SIPA1L2: variants seen among roughly 807,000 people sequenced by gnomAD.
The protein encoded by SIPA1L2 is signal induced proliferation associated 1 like 2.
In SIPA1L2, 56 loss-of-function variants were observed where a neutral mutation model predicts 163.9. The observed-to-expected ratio is 0.34, with a 90% confidence interval of 0.28 to 0.43. The LOEUF is 0.43. Among genes scored for constraint, SIPA1L2 ranks in the 20% least tolerant of loss-of-function variants. The pLI is 1.00. For missense variants in SIPA1L2, 1,974 were observed against 2,193.5 expected, an observed-to-expected ratio of 0.90 and a Z score of 2.00; for synonymous variants, 877 against 865.7, an observed-to-expected ratio of 1.01 and a Z score of -0.23.
chr1:232,414,122 G>A (rs139285000), intron 19 of SIPA1L2, among the ~76,000 whole-genome samples: 1 of 152,152 alleles, frequency 6.6e-6, no homozygotes, highest in Non-Finnish European at 1.5e-5. Context: ...AGGCAGACAG[G>A]GCTCTTCTGA....
chr1:232,559,422 A>C (rs540030417), intron 2 of SIPA1L2, among the ~76,000 whole-genome samples: 1 of 152,258 alleles, frequency 6.6e-6, no homozygotes, highest in East Asian at 1.9e-4. Context: ...CTGCACAGGC[A>C]GGAAGAATAA....
At chr1:232,545,567 C>T (rs925398751) in intron 2 of SIPA1L2, among the ~76,000 whole-genome samples, 1 of 152,184 alleles carries the variant, frequency 6.6e-6, no homozygotes, top group Non-Finnish European at 1.5e-5. Context: ...ACCTCTTGTT[C>T]TTGGGCTGTT....
At chr1:232,473,975 A>G (rs1014557919) in intron 7 of SIPA1L2, among the ~76,000 whole-genome samples, 1 of 152,242 alleles carries the variant, frequency 6.6e-6, no homozygotes, top group Non-Finnish European at 1.5e-5. Flanking sequence ...CAAACATGAA[A>G]TAAGTAATTT....
chr1:232,588,420 T>C (rs1440403843), intron 1 of SIPA1L2, among the ~76,000 whole-genome samples: 1 of 152,248 alleles, frequency 6.6e-6, no homozygotes, highest in Non-Finnish European at 1.5e-5. Flanking sequence ...TTCCCTACAC[T>C]TAAGAATTTT....
intron 1 of SIPA1L2, among the ~76,000 whole-genome samples, chr1:232,577,494 T>C (rs914573046): frequency 6.6e-6 from 1 of 152,216 alleles, no homozygotes; most frequent in Admixed American, 6.5e-5. Flanking sequence ...ATTTTCATAA[T>C]GTTATAGCTA....
At chr1:232,487,379 C>G (rs578261073) in intron 5 of SIPA1L2, among the ~76,000 whole-genome samples, 1 of 152,286 alleles carries the variant, frequency 6.6e-6, no homozygotes, top group East Asian at 1.9e-4. Context: ...AGCATGTAAT[C>G]TCATTTATTT....
At chr1:232,479,037 A>C (rs751318285) in intron 7 of SIPA1L2, among the ~76,000 whole-genome samples, 5 of 152,242 alleles carry the variant, frequency 3.3e-5, no homozygotes, top group Non-Finnish European at 7.3e-5. Flanking sequence ...TTGCAAAAAA[A>C]ACTTGCTTGA....
intron 2 of SIPA1L2, among the ~76,000 whole-genome samples, chr1:232,557,591 T>C (rs574461323): frequency 1.5e-4 from 23 of 152,214 alleles, no homozygotes; most frequent in Admixed American, 3.3e-4. Context: ...CCAAAGAATA[T>C]TTCCTCTGCA....
intron 17 of SIPA1L2, 43 bp downstream of exon 17, chr1:232,428,368 T>TA: frequency 1.5e-6 from 2 of 1,358,998 alleles, no homozygotes; most frequent in Non-Finnish European, 1.9e-6. Context: ...TTTTTTTTTT[T>TA]TTTAGTGTTT....
intron 7 of SIPA1L2, among the ~76,000 whole-genome samples, chr1:232,475,236 A>AT (rs1220008802): frequency 6.6e-6 from 1 of 152,134 alleles, no homozygotes; most frequent in Non-Finnish European, 1.5e-5. Flanking sequence ...TCCTTACCAT[A>AT]TAGACAGCGT....
At chr1:232,501,098 C>T (rs1213551059) in intron 3 of SIPA1L2, among the ~76,000 whole-genome samples, 1 of 124,198 alleles carries the variant, frequency 8.1e-6, no homozygotes, top group Non-Finnish European at 1.6e-5. Flanking sequence ...CGCTCTGTCG[C>T]CCGGGCTGGA....
chr1:232,613,023 A>T (rs1371271734), intron 1 of SIPA1L2, among the ~76,000 whole-genome samples: 2 of 152,120 alleles, frequency 1.3e-5, no homozygotes, highest in African/African-American at 4.8e-5. Context: ...GTCTCACGAG[A>T]TCTGATGGTT....
chr1:232,610,368 C>T (rs765554218), intron 1 of SIPA1L2, among the ~76,000 whole-genome samples: 1 of 152,156 alleles, frequency 6.6e-6, no homozygotes, highest in Non-Finnish European at 1.5e-5. Flanking sequence ...GAGAAACTGC[C>T]TCTGCTGATG....
chr1:232,486,431 A>T (rs970924629), intron 5 of SIPA1L2, among the ~76,000 whole-genome samples: 4 of 152,130 alleles, frequency 2.6e-5, no homozygotes, highest in African/African-American at 9.7e-5. Flanking sequence ...CAGGATTTGC[A>T]TTTCCATCTA....
intron 1 of SIPA1L2, among the ~76,000 whole-genome samples, chr1:232,626,839 G>A (rs1262551934): frequency 2.0e-5 from 3 of 152,094 alleles, no homozygotes; most frequent in Non-Finnish European, 4.4e-5. Context: ...CCAAATTTTG[G>A]TGCTGAAAGG....
chr1:232,511,064 C>A (rs1666958095), intron 3 of SIPA1L2, among the ~76,000 whole-genome samples: 1 of 152,180 alleles, frequency 6.6e-6, no homozygotes, highest in Non-Finnish European at 1.5e-5. Context: ...GCCTATCTCT[C>A]CATCTCCCTT....
At chr1:232,541,366 G>C (rs1657668163) in intron 2 of SIPA1L2, among the ~76,000 whole-genome samples, 1 of 152,050 alleles carries the variant, frequency 6.6e-6, no homozygotes, top group East Asian at 1.9e-4. Context: ...AAATAGCTCA[G>C]ATAGTCTACT....
At chr1:232,565,920 G>T (rs890302936) in intron 2 of SIPA1L2, among the ~76,000 whole-genome samples, 4 of 152,044 alleles carry the variant, frequency 2.6e-5, no homozygotes, top group Non-Finnish European at 5.9e-5. Flanking sequence ...ACACTGTCAG[G>T]GTTAAGAGAA....
At chr1:232,427,895 ATTACAT>A (rs1375115668) in intron 17 of SIPA1L2, among the ~76,000 whole-genome samples, 3 of 152,208 alleles carry the variant, frequency 2.0e-5, no homozygotes, top group Middle Eastern at 3.2e-3. Flanking sequence ...CTGGAACAGG[ATTACAT>A]TTAAGGAGAG....
Sources: gnomAD v4.1 joint callset for allele counts (sites outside exome capture counted in the v4.1 genomes callset) on GRCh38, gnomAD v4.1.1 for gene constraint, MANE v1.5 for transcripts, NCBI Gene and HGNC (gene_info 2026-07-23, HGNC 2026-07-21) for gene names.